PRLR: variants seen among roughly 807,000 people sequenced by gnomAD.
PRLR encodes hPRL receptor.
A neutral mutation model predicts 40.2 loss-of-function variants in PRLR; 13 were observed. The ratio of observed to expected loss-of-function variants is 0.32; its 90% CI spans 0.21 to 0.51. The LOEUF is 0.51. Among genes scored for constraint, PRLR ranks in the 20% least tolerant of loss-of-function variants. The pLI is 0.97. For synonymous variants in PRLR, 269 were observed against 278.7 expected, an observed-to-expected ratio of 0.97 and a Z score of 0.35; for missense variants, 656 against 747.3, an observed-to-expected ratio of 0.88 and a Z score of 1.42.
At position 35,065,833 on chromosome 5, in the gene PRLR, A is replaced by G; in HGVS notation, c.1125T>C (p.Tyr375=). Residue 375 remains tyrosine (Y), a synonymous_variant, in exon 10 of 10, where the codon TAT becomes TAC. Transcript: ENST00000618457. The stretch of plus-strand genomic sequence containing the variant: ...CTGGCTTCTCAATGACCTCAGGATC[A>G]TAGAATGTGGAGGGATTGGCCTGGG... ...EEPQANPSTF[Y]DPEVIEKPEN... is the part of the protein sequence containing the mutation. 1 of 1,614,138 alleles carries G rather than the reference A, an allele frequency of 6.2e-7. No homozygotes were observed. The highest frequency in any genetic ancestry group is 8.5e-7 in the Non-Finnish European group (1 of 1,180,016).
rs1769043339 is a variant in PRLR, at chr5:35,061,634, C to A, written c.*3455G>T. ...TAAATATCTGACACAGCTGATATAACTTGTGCTTATACACATCTGTTAGAA... is the reference window on the plus strand; with the variant it reads ...TAAATATCTGACACAGCTGATATAAATTGTGCTTATACACATCTGTTAGAA... On this transcript the variant is annotated 3_prime_UTR_variant, in exon 10 of 10. Transcript: ENST00000618457. 1 of 152,194 alleles carries A rather than the reference C, an allele frequency of 6.6e-6. No homozygotes were observed. Among genetic ancestry groups the A allele is most frequent in the Non-Finnish European group, 1.5e-5 (1 of 68,040 alleles). The allele number at this position is 152,194 out of a possible 1,614,324, so 9.4% of individuals were successfully genotyped here. A position where few individuals can be genotyped will look rare whatever the true frequency, so the allele number is the denominator to read the frequency against.
At chr5:35,094,140 T>C (rs1771387406) in intron 2 of PRLR, among the ~76,000 whole-genome samples, 1 of 152,210 alleles carries the variant, frequency 6.6e-6, no homozygotes, top group Non-Finnish European at 1.5e-5. Flanking sequence ...TAACCACCAG[T>C]AGCACCCCAG....
chr5:35,120,564 G>T (rs1239888928), intron 1 of PRLR, among the ~76,000 whole-genome samples: 1 of 152,174 alleles, frequency 6.6e-6, no homozygotes, highest in East Asian at 1.9e-4. Flanking sequence ...GGGGTGGGGA[G>T]ACATAATTTA....
chr5:35,131,052 AT>A (rs1439660767), intron 1 of PRLR, among the ~76,000 whole-genome samples: 2 of 152,066 alleles, frequency 1.3e-5, no homozygotes, highest in African/African-American at 4.8e-5. Context: ...CGGAAAATAC[AT>A]TTTTGTTGTT....
chr5:35,081,095 A>G (rs978219728), intron 5 of PRLR: 4 of 151,694 alleles, frequency 2.6e-5, no homozygotes, highest in Non-Finnish European at 4.4e-5. Flanking sequence ...AATGTAAATG[A>G]TGAGTTAATG....
chr5:35,140,842 T>A (rs1264617195), intron 1 of PRLR, among the ~76,000 whole-genome samples: 1 of 152,222 alleles, frequency 6.6e-6, no homozygotes, highest in Non-Finnish European at 1.5e-5. Context: ...GTTGCCTGTC[T>A]AACATCCCTT....
chr5:35,091,077 G>GT (rs1771181368), intron 2 of PRLR, among the ~76,000 whole-genome samples: 1 of 152,114 alleles, frequency 6.6e-6, no homozygotes, highest in Admixed American at 6.5e-5. Flanking sequence ...CTCCCAAAGT[G>GT]TTGGGATTAC....
chr5:35,095,939 C>T (rs1277754468), intron 2 of PRLR, among the ~76,000 whole-genome samples: 1 of 152,190 alleles, frequency 6.6e-6, no homozygotes, highest in Non-Finnish European at 1.5e-5. Flanking sequence ...TGCCCCTCTC[C>T]TAGAAATCCC....
chr5:35,190,815 C>A (rs1775580682), intron 1 of PRLR, among the ~76,000 whole-genome samples: 1 of 152,092 alleles, frequency 6.6e-6, no homozygotes, highest in African/African-American at 2.4e-5. Flanking sequence ...TACTTATAAC[C>A]AAAGACAAAT....
At chr5:35,167,714 T>C (rs1774883039) in intron 1 of PRLR, among the ~76,000 whole-genome samples, 1 of 152,094 alleles carries the variant, frequency 6.6e-6, no homozygotes, top group South Asian at 2.1e-4. Flanking sequence ...AGGACTAAGT[T>C]AACTTAAGTA....
intron 1 of PRLR, among the ~76,000 whole-genome samples, chr5:35,142,503 A>T (rs149797120): frequency 1.7e-3 from 256 of 152,334 alleles, no homozygotes; most frequent in Middle Eastern, 6.8e-3. Flanking sequence ...TAAATATCTA[A>T]AGAAACAGTC....
In PRLR at chr5:35,086,251, C is replaced by T. The variant is rs762040497; in HGVS notation, c.160G>A (p.Gly54Arg). The T allele has an allele frequency of 1.9e-6, 3 of 1,614,054 alleles. No homozygotes were observed. ...AGTGAATAATTGGTAGGAAGTCCTC[C>T]ATCTGTCCCAGGCCTCCACCAGCAG... The part of the protein sequence containing the change: ...FTCWWRPGTD[G>R]GLPTNYSLTY... The change falls in exon 4 of 10, where the codon GGA (glycine) becomes AGA (arginine). Residue 54 changes from glycine to arginine, a missense_variant. Gly to Arg is a moderately radical substitution (Grantham distance 125, BLOSUM62 -2). Coordinates refer to ENST00000618457, the MANE Select transcript of PRLR (RefSeq NM_000949.7).
At chr5:35,195,068 A>T (rs1220045410) in intron 1 of PRLR, 1 of 152,196 alleles carries the variant, frequency 6.6e-6, no homozygotes, top group East Asian at 1.9e-4. Flanking sequence ...CTGCTGCAAA[A>T]AATGAAGTTT....
chr5:35,075,032 G>A (rs1769988629), intron 5 of PRLR, among the ~76,000 whole-genome samples: 1 of 152,114 alleles, frequency 6.6e-6, no homozygotes, highest in East Asian at 1.9e-4. Flanking sequence ...AGTTACATTT[G>A]CCTAAAAACC....
At chr5:35,139,236 G>A (rs1205734008) in intron 1 of PRLR, among the ~76,000 whole-genome samples, 2 of 152,168 alleles carry the variant, frequency 1.3e-5, no homozygotes, top group Non-Finnish European at 2.9e-5. Flanking sequence ...CTGGGTTCAA[G>A]TGATTCTCCT....
At chr5:35,124,224 C>T (rs1286507086) in intron 1 of PRLR, among the ~76,000 whole-genome samples, 10 of 152,122 alleles carry the variant, frequency 6.6e-5, no homozygotes, top group African/African-American at 2.2e-4. Flanking sequence ...CCGGACATTC[C>T]GATTGCCCAT....
intron 1 of PRLR, among the ~76,000 whole-genome samples, chr5:35,193,043 CAG>C (rs1775647386): frequency 6.6e-6 from 1 of 152,158 alleles, no homozygotes; most frequent in African/African-American, 2.4e-5. Context: ...TTAGGAGCAA[CAG>C]AGTCACCATG....
chr5:35,113,516 T>C (rs1772825617), intron 2 of PRLR, among the ~76,000 whole-genome samples: 1 of 141,346 alleles, frequency 7.1e-6, no homozygotes, highest in South Asian at 2.6e-4. Flanking sequence ...TATCCACCCA[T>C]CCATTTATCT....
At chr5:35,074,454 C>A (rs957789507) in intron 5 of PRLR, among the ~76,000 whole-genome samples, 3 of 147,778 alleles carry the variant, frequency 2.0e-5, no homozygotes, top group Non-Finnish European at 4.4e-5. Flanking sequence ...AAGAGCGAAA[C>A]TCCATTTCAA....
Sources: gnomAD v4.1 joint callset for allele counts (sites outside exome capture counted in the v4.1 genomes callset) on GRCh38, gnomAD v4.1.1 for gene constraint, MANE v1.5 for transcripts, NCBI Gene and HGNC (gene_info 2026-07-23, HGNC 2026-07-21) for gene names.